The following CCDC91 variants were observed in gnomAD, a reference collection of about 807,000 sequenced individuals.
CCDC91 encodes the protein coiled-coil domain-containing protein 91.
CCDC91 carries 48 observed loss-of-function variants against 63.2 expected under a neutral mutation model. The observed-to-expected ratio is 0.76, with a 90% CI of 0.60 to 0.97. The LOEUF (loss-of-function observed/expected upper bound fraction) is 0.97. Ranked by LOEUF, CCDC91 falls within the 50% of genes least tolerant of loss-of-function variation. The pLI is 0.00. For synonymous variants in CCDC91, 167 were observed against 165.8 expected (o/e 1.01, Z -0.06); for missense variants, 500 against 494.6 (o/e 1.01, Z -0.10).
chr12:28,452,727 T>A, intron 11 of CCDC91, 73 bp downstream of exon 11: 1 of 677,626 alleles, frequency 1.5e-6, no homozygotes, highest in Non-Finnish European at 2.3e-6. Context: ...CCTTACTCTA[T>A]CTTTTATCTT....
At chr12:28,415,003 C>G (rs1947549686) in intron 8 of CCDC91, among the ~76,000 whole-genome samples, 3 of 152,236 alleles carry the variant, frequency 2.0e-5, no homozygotes, top group Admixed American at 1.3e-4. Flanking sequence ...CTTTTTCTTA[C>G]TGGTCAAATA....
chr12:28,229,790 G>T (rs781386729), intron 1 of CCDC91, among the ~76,000 whole-genome samples: 29 of 151,946 alleles, frequency 1.9e-4, no homozygotes, highest in Non-Finnish European at 2.2e-4. Flanking sequence ...ACATATTTTG[G>T]TTTTTTTAGC....
chr12:28,384,491 T>A (rs564156439), intron 7 of CCDC91, among the ~76,000 whole-genome samples: 1 of 152,264 alleles, frequency 6.6e-6, no homozygotes, highest in South Asian at 2.1e-4. Context: ...ATATTTTCAT[T>A]CTTACACGTT....
chr12:28,367,798 G>A (rs920544378), intron 7 of CCDC91, among the ~76,000 whole-genome samples: 7 of 151,784 alleles, frequency 4.6e-5, no homozygotes, highest in Admixed American at 2.6e-4. Flanking sequence ...TTTTAATTCA[G>A]ATAAGATTAA....
chr12:28,523,662 C>T (rs1940966777), intron 12 of CCDC91, among the ~76,000 whole-genome samples: 2 of 152,120 alleles, frequency 1.3e-5, no homozygotes, highest in Admixed American at 1.3e-4. Context: ...GCATTTTCTT[C>T]CTAGCATCGA....
chr12:28,287,377 A>G (rs772587554), intron 3 of CCDC91, among the ~76,000 whole-genome samples: 1 of 152,044 alleles, frequency 6.6e-6, no homozygotes, highest in Admixed American at 6.6e-5. Flanking sequence ...TCTTATGTTA[A>G]TTTTTGTATA....
rs544987669 is a variant in CCDC91, at chr12:28,195,549, G to GTC, written c.-15+4910_-15+4911dup. 5.3e-5 allele frequency among the ~76,000 whole-genome samples: 8 copies of GTC among 152,254 alleles called. No individual in the cohort carries two copies. In the East Asian group the frequency reaches 1.5e-3, roughly 29 times the overall value. On this transcript the variant is annotated intron_variant, in intron 1 of 12. Coordinates refer to ENST00000536442, the MANE Select transcript of CCDC91 (RefSeq NM_018318.5). ...TCTATTTTGTTCCATTGTTCTGTGC[G>GTC]TCTGTTTGGCTAAAACCTCAGTCCT...
At chr12:28,296,683 C>T (rs1032190316) in intron 3 of CCDC91, among the ~76,000 whole-genome samples, 1 of 151,736 alleles carries the variant, frequency 6.6e-6, no homozygotes, top group Non-Finnish European at 1.5e-5. Context: ...CTGTGAGTAA[C>T]CCTCCTTGGA....
chr12:28,279,102 C>G (rs890768900), intron 3 of CCDC91, among the ~76,000 whole-genome samples: 17 of 151,770 alleles, frequency 1.1e-4, no homozygotes, highest in African/African-American at 3.6e-4. Flanking sequence ...TCCTCTCTTG[C>G]AAGCTCTGTG....
rs1944520309 is a variant in CCDC91, at chr12:28,230,487, G to A, written c.-14-26715G>A. Among the ~76,000 whole-genome samples, 4 of 152,114 alleles carry A rather than the reference G, an allele frequency of 2.6e-5. No individual in the cohort carries two copies. In the South Asian group the frequency reaches 8.3e-4, roughly 31 times the overall value. On this transcript the variant is annotated intron_variant, in intron 1 of 12. Coordinates refer to ENST00000536442, the MANE Select transcript of CCDC91 (RefSeq NM_018318.5). ...ATGGTGTGGTTGCAATAGGTCAATA[G>A]CTACATGCATATTTCTTGAAGTCAC... is the stretch of plus-strand genomic sequence containing the variant.
chr12:28,517,671 G>A (rs1350809551), intron 12 of CCDC91, among the ~76,000 whole-genome samples: 2 of 151,884 alleles, frequency 1.3e-5, no homozygotes, highest in Non-Finnish European at 1.5e-5. Context: ...TGAGATTTGG[G>A]TGATATTTGG....
intron 11 of CCDC91, among the ~76,000 whole-genome samples, chr12:28,479,809 G>C (rs754835353): frequency 6.7e-6 from 1 of 149,474 alleles, no homozygotes; most frequent in Non-Finnish European, 1.5e-5. Context: ...TTAGACCAAT[G>C]TTTAAGAGTT....
chr12:28,424,457 C>A (rs1277940547), intron 8 of CCDC91, among the ~76,000 whole-genome samples: 1 of 152,090 alleles, frequency 6.6e-6, no homozygotes, highest in African/African-American at 2.4e-5. Context: ...CCCCATTTCC[C>A]CCTAAATACT....
intron 6 of CCDC91, among the ~76,000 whole-genome samples, chr12:28,330,238 T>C (rs1426268938): frequency 2.6e-5 from 4 of 152,194 alleles, no homozygotes; most frequent in Non-Finnish European, 4.4e-5. Flanking sequence ...ATCAGCAGTG[T>C]AAAAGTGTTC....
At chr12:28,289,023 A>G (rs1949064844) in intron 3 of CCDC91, among the ~76,000 whole-genome samples, 1 of 152,078 alleles carries the variant, frequency 6.6e-6, no homozygotes, top group African/African-American at 2.4e-5. Flanking sequence ...GTGGTCAGTG[A>G]TAATATCCCT....
At chr12:28,451,345 T>C (rs1458703758) in intron 10 of CCDC91, among the ~76,000 whole-genome samples, 7 of 151,646 alleles carry the variant, frequency 4.6e-5, no homozygotes, top group Admixed American at 3.3e-4. Context: ...AGACAAATTC[T>C]AGAAATATGG....
chr12:28,313,717 G>A (rs1269025633), intron 6 of CCDC91, among the ~76,000 whole-genome samples: 1 of 152,032 alleles, frequency 6.6e-6, no homozygotes, highest in Non-Finnish European at 1.5e-5. Flanking sequence ...TACAATGGGG[G>A]TGTGTGCTAT....
chr12:28,252,456 T>C (rs1239957759), intron 1 of CCDC91, among the ~76,000 whole-genome samples: 4 of 151,964 alleles, frequency 2.6e-5, no homozygotes, highest in Non-Finnish European at 5.9e-5. Context: ...TACTCTGACT[T>C]CCCATTTTTT....
rs1948499498 is a variant in CCDC91 at position 28,429,245 on chromosome 12, A to C, written c.763-20916A>C. ...GTGACCACTGATTTTTTCTTTCATC[A>C]TGATTCAGAAAAAGACAGTTACTTG... On this transcript the variant is annotated intron_variant, in intron 8 of 12. Transcript: ENST00000536442. Among the ~76,000 whole-genome samples the C allele has an allele frequency of 2.0e-5, 3 of 152,284 alleles. No individual in the cohort carries two copies. In the South Asian group the frequency reaches 6.2e-4, roughly 32 times the overall value.
Sources: gnomAD v4.1 joint callset for allele counts (sites outside exome capture counted in the v4.1 genomes callset) on GRCh38, gnomAD v4.1.1 for gene constraint, MANE v1.5 for transcripts, NCBI Gene and HGNC (gene_info 2026-07-23, HGNC 2026-07-21) for gene names.